CNTN5: variants seen among roughly 807,000 people sequenced by gnomAD.
The protein encoded by CNTN5 is contactin 5.
Under a neutral mutation model 129.1 loss-of-function variants are expected in CNTN5, and 77 were observed. That is an observed-to-expected ratio of 0.60 (90% CI 0.50 to 0.72). The LOEUF is 0.72. CNTN5 is among the 30% of genes least tolerant of loss of function. CNTN5 has a pLI of 0.00. For synonymous variants in CNTN5, 509 were observed against 465.6 expected, an observed-to-expected ratio of 1.09 and a Z score of -1.20; for missense variants, 1,478 against 1,328.8, an observed-to-expected ratio of 1.11 and a Z score of -1.75.
chr11:99,266,541 G>A (rs539543551), intron 1 of CNTN5, among the ~76,000 whole-genome samples: 2 of 152,052 alleles, frequency 1.3e-5, no homozygotes, highest in African/African-American at 4.8e-5. Flanking sequence ...GTTTGAGGCT[G>A]TAGTGAGTAA....
At chr11:99,777,065 A>G (rs1945148583) in intron 3 of CNTN5, among the ~76,000 whole-genome samples, 2 of 151,922 alleles carry the variant, frequency 1.3e-5, no homozygotes, top group Admixed American at 1.3e-4. Flanking sequence ...AACAGCAAAT[A>G]TTCTACTTCC....
chr11:100,296,691 T>C (rs1951106085), intron 18 of CNTN5, among the ~76,000 whole-genome samples: 1 of 151,606 alleles, frequency 6.6e-6, no homozygotes, highest in Admixed American at 6.6e-5. Flanking sequence ...GTTTTCTTCC[T>C]TTCCAGGAGT....
intron 1 of CNTN5, among the ~76,000 whole-genome samples, chr11:99,317,109 T>C (rs1161460106): frequency 6.6e-6 from 1 of 152,202 alleles, no homozygotes; most frequent in Non-Finnish European, 1.5e-5. Flanking sequence ...TGTTGGTGTC[T>C]GAAAAGCAGT....
chr11:99,637,306 A>G (rs1235860953), intron 3 of CNTN5, among the ~76,000 whole-genome samples: 1 of 152,108 alleles, frequency 6.6e-6, no homozygotes, highest in East Asian at 1.9e-4. Context: ...TAAATGAATA[A>G]AGTAGATGTA....
At chr11:99,076,809 G>A (rs1865595300) in intron 1 of CNTN5, among the ~76,000 whole-genome samples, 1 of 152,124 alleles carries the variant, frequency 6.6e-6, no homozygotes, top group African/African-American at 2.4e-5. Context: ...GGACACAGGA[G>A]ATTAAAGGAA....
rs1207663852 is a variant in CNTN5 at position 99,365,353 on chromosome 11, A to G, written c.-71+39869A>G. Among the ~76,000 whole-genome samples, 3 of 152,328 alleles carry G rather than the reference A, an allele frequency of 2.0e-5. No homozygotes were observed. In the East Asian group the frequency reaches 5.8e-4, roughly 29 times the overall value. ...TTAACATTGTTCAAACAGACAAAAT[A>G]GAGTCTTTCCAACTTCATACTTTTA... On this transcript the variant is annotated intron_variant, in intron 2 of 24. Coordinates refer to ENST00000524871, the MANE Select transcript of CNTN5 (RefSeq NM_014361.4).
intron 3 of CNTN5, among the ~76,000 whole-genome samples, chr11:99,734,008 A>G (rs1943619015): frequency 1.3e-5 from 2 of 152,204 alleles, no homozygotes; most frequent in Non-Finnish European, 1.5e-5. Flanking sequence ...CAGAAATGCT[A>G]TAGGCTTCTT....
chr11:100,165,896 C>T (rs1036979295), intron 13 of CNTN5, among the ~76,000 whole-genome samples: 1 of 151,692 alleles, frequency 6.6e-6, no homozygotes, highest in African/African-American at 2.4e-5. Flanking sequence ...AAAGAACTTG[C>T]CTGCATCATA....
chr11:100,071,900 A>G, intron 12 of CNTN5, 66 bp downstream of exon 12: 1 of 1,365,642 alleles, frequency 7.3e-7, no homozygotes, highest in Non-Finnish European at 9.8e-7. Flanking sequence ...TCTAATTTTT[A>G]CTATACTGAA....
In CNTN5 at chr11:100,201,284, A is replaced by G. The variant is rs139225257; in HGVS notation, c.1884+7621A>G. On this transcript the variant is annotated intron_variant, in intron 15 of 24. Coordinates refer to ENST00000524871, the MANE Select transcript of CNTN5 (RefSeq NM_014361.4). ...GTAATTGTACATTGAAGAGCAATCA[A>G]TGGCTCCTGGCTTTAAAACCATTTT... is the stretch of plus-strand genomic sequence containing the variant. Among the ~76,000 whole-genome samples, 1,134 of 152,070 alleles carry G rather than the reference A, an allele frequency of 7.5e-3. 8 individuals are homozygous for G. The highest frequency in any genetic ancestry group is 0.023 in the African/African-American group (956 of 41,520).
intron 3 of CNTN5, among the ~76,000 whole-genome samples, chr11:99,680,914 A>G (rs1246480554): frequency 1.3e-5 from 2 of 152,028 alleles, no homozygotes; most frequent in Non-Finnish European, 2.9e-5. Context: ...TCTAGATGCC[A>G]TTAAGAACAT....
At chr11:99,310,975 A>G (rs1368028461) in intron 1 of CNTN5, among the ~76,000 whole-genome samples, 2 of 151,642 alleles carry the variant, frequency 1.3e-5, no homozygotes, top group East Asian at 1.9e-4. Context: ...TTTGTCACCC[A>G]TGCCGGAATG....
intron 1 of CNTN5, among the ~76,000 whole-genome samples, chr11:99,280,454 G>A (rs1374762519): frequency 1.3e-5 from 2 of 151,382 alleles, no homozygotes; most frequent in Non-Finnish European, 3.0e-5. Context: ...CTCAAATAAA[G>A]TTATGAAACT....
At chr11:100,340,158 T>A (rs1400137583) in intron 21 of CNTN5, among the ~76,000 whole-genome samples, 1 of 152,220 alleles carries the variant, frequency 6.6e-6, no homozygotes, top group Non-Finnish European at 1.5e-5. Context: ...CTCCAATTTC[T>A]TTGAATGATT....
intron 1 of CNTN5, among the ~76,000 whole-genome samples, chr11:99,037,506 A>G (rs867633034): frequency 1.3e-5 from 2 of 150,346 alleles, no homozygotes; most frequent in Admixed American, 6.6e-5. Context: ...TCCCATCTCT[A>G]TACTTTTGCT....
chr11:99,581,319 G>A (rs1315930071), intron 3 of CNTN5, among the ~76,000 whole-genome samples: 5 of 147,316 alleles, frequency 3.4e-5, no homozygotes, highest in African/African-American at 1.0e-4. Flanking sequence ...TTGATTTGGG[G>A]TGGAGAGTTC....
chr11:99,246,167 CA>C (rs1366007204), intron 1 of CNTN5, among the ~76,000 whole-genome samples: 2 of 152,102 alleles, frequency 1.3e-5, no homozygotes, highest in East Asian at 3.8e-4. Flanking sequence ...TCACATGTCA[CA>C]AATTTAACTG....
intron 13 of CNTN5, among the ~76,000 whole-genome samples, chr11:100,172,617 A>G (rs1267285431): frequency 1.3e-5 from 2 of 152,098 alleles, no homozygotes; most frequent in Admixed American, 1.3e-4. Flanking sequence ...TGTATTAGAT[A>G]TGAGACTTGG....
chr11:99,060,140 G>A (rs1257638496), intron 1 of CNTN5, among the ~76,000 whole-genome samples: 1 of 152,002 alleles, frequency 6.6e-6, no homozygotes, highest in Non-Finnish European at 1.5e-5. Context: ...TATTATACCA[G>A]TAAATGTGGG....
Sources: gnomAD v4.1 joint callset for allele counts (sites outside exome capture counted in the v4.1 genomes callset) on GRCh38, gnomAD v4.1.1 for gene constraint, MANE v1.5 for transcripts, NCBI Gene and HGNC (gene_info 2026-07-23, HGNC 2026-07-21) for gene names.